The following TXNRD2 variants were observed in gnomAD, a reference collection of about 807,000 sequenced individuals.
TXNRD2 encodes the protein thioredoxin reductase 2, mitochondrial.
In TXNRD2, 67 loss-of-function variants were observed where a neutral mutation model predicts 70.8. The observed-to-expected ratio is 0.95, with a 90% CI of 0.78 to 1.16. TXNRD2 has a LOEUF of 1.16. TXNRD2 is among the 50% of genes most tolerant of loss of function. The pLI is 0.00. For synonymous variants in TXNRD2, 301 were observed against 295.8 expected, an observed-to-expected ratio of 1.02 and a Z score of -0.18; for missense variants, 644 against 719.9, an observed-to-expected ratio of 0.89 and a Z score of 1.21.
chr22:19,899,497 T>G (rs1182361894), intron 8 of TXNRD2, among the ~76,000 whole-genome samples: 1 of 152,256 alleles, frequency 6.6e-6, no homozygotes, highest in Non-Finnish European at 1.5e-5. Context: ...CACAGAAGGC[T>G]GGGCCCTTCC....
intron 8 of TXNRD2, among the ~76,000 whole-genome samples, chr22:19,903,211 G>A (rs1332873015): frequency 2.0e-5 from 3 of 152,208 alleles, no homozygotes; most frequent in Non-Finnish European, 2.9e-5. Flanking sequence ...AAACCCCCAC[G>A]GGGACCTGGG....
chr22:19,881,373 A>G, intron 12 of TXNRD2: 1 of 307,030 alleles, frequency 3.3e-6, no homozygotes, highest in Non-Finnish European at 5.9e-6. Context: ...GCATTCCAGC[A>G]GGCCTGACTA....
rs35544159 is a variant in TXNRD2, at chr22:19,880,705, G to A, written c.1099C>T (p.Leu367=). Residue 367 remains leucine (L), a synonymous_variant, in exon 13 of 18, where the codon CTG becomes TTG. Transcript: ENST00000400521. ...IGDVVEGRPE[L]TPIAIMAGRL... ...CCGGCCATGATCGCTATGGGTGTCA[G>A]CTCAGGCCGCCCCTTGGGGAAGGCA... The A allele has an allele frequency of 5.1e-3, 8,228 of 1,612,016 alleles. 95 individuals are homozygous for A. Among genetic ancestry groups the A allele is most frequent in the African/African-American group, 0.045 (3,351 of 74,334 alleles).
intron 3 of TXNRD2, 52 bp downstream of exon 3, chr22:19,919,491 C>T: frequency 6.5e-7 from 1 of 1,526,852 alleles, no homozygotes. Flanking sequence ...GAACTGGGCC[C>T]ACCTCCCACC....
intron 11 of TXNRD2, among the ~76,000 whole-genome samples, chr22:19,889,161 CA>C (rs1939158283): frequency 6.6e-6 from 1 of 152,114 alleles, no homozygotes; most frequent in Non-Finnish European, 1.5e-5. Context: ...AGCTTCCCCT[CA>C]GGCAGCATAA....
chr22:19,895,410 T>C lies in TXNRD2; in HGVS notation c.946A>G (p.Ile316Val). 6.2e-7 allele frequency: 1 copy of C among 1,613,916 alleles called. No homozygotes were observed. The change falls in exon 11 of 18, where the codon ATA (isoleucine) becomes GTA (valine). Residue 316 changes from isoleucine to valine, a missense_variant. Physicochemically the swap from Ile to Val is conservative, Grantham distance 29. Coordinates refer to ENST00000400521, the MANE Select transcript of TXNRD2 (RefSeq NM_006440.5). ...GTGTGGCTCGACGTGCCCTTACCTA[T>C]GGCCCACAGGACGGTGTCAAAGGTG... Reference protein sequence around the residue: ...TGTFDTVLWAIGRVPDTRSLN... With the variant: ...TGTFDTVLWAVGRVPDTRSLN...
At chr22:19,937,655 T>C (rs1167742058) in intron 1 of TXNRD2, among the ~76,000 whole-genome samples, 1 of 152,216 alleles carries the variant, frequency 6.6e-6, no homozygotes, top group Admixed American at 6.5e-5. Context: ...CTGATTCTTT[T>C]CTTGGAGCCT....
intron 2 of TXNRD2, among the ~76,000 whole-genome samples, chr22:19,925,044 G>C (rs1246179091): frequency 6.6e-6 from 1 of 151,430 alleles, no homozygotes; most frequent in East Asian, 1.9e-4. Context: ...CAGCACTTTG[G>C]GAGGCCAAGG....
At position 19,909,903 on chromosome 22, in the gene TXNRD2, C is replaced by T. The variant is rs1426211608; in HGVS notation, c.662+1474G>A. 3.9e-3 allele frequency among the ~76,000 whole-genome samples: 195 copies of T among 50,330 alleles called. 3 individuals carry two copies. The highest frequency in any genetic ancestry group is 0.016 in the African/African-American group (186 of 11,366). 33.0% of individuals were successfully genotyped at this position (50,330 alleles called of 152,430 possible). ...ACACACCACTCACACACACACACACCACACACCCACACCCTTCACACACAC... is the reference window on the plus strand; with the variant it reads ...ACACACCACTCACACACACACACACTACACACCCACACCCTTCACACACAC... On this transcript the variant is annotated intron_variant, in intron 8 of 17. Coordinates refer to ENST00000400521, the MANE Select transcript of TXNRD2 (RefSeq NM_006440.5).
At chr22:19,920,580 C>T (rs1940860961) in intron 2 of TXNRD2, among the ~76,000 whole-genome samples, 1 of 139,808 alleles carries the variant, frequency 7.2e-6, no homozygotes, top group Non-Finnish European at 1.5e-5. Flanking sequence ...AAGACTCTGT[C>T]TCAAAAAAGA....
At chr22:19,913,917 C>A (rs972374774) in intron 7 of TXNRD2, among the ~76,000 whole-genome samples, 32 of 152,174 alleles carry the variant, frequency 2.1e-4, no homozygotes, top group African/African-American at 7.5e-4. Flanking sequence ...CTAAGCTAAC[C>A]AAGTAAAGAC....
rs779632044 is a variant in TXNRD2, at chr22:19,918,159, C to A, written c.433G>T (p.Val145Phe). 1 of 1,614,180 alleles carries A rather than the reference C, an allele frequency of 6.2e-7. No individual in the cohort carries two copies. The highest frequency in any genetic ancestry group is 8.5e-7 in the Non-Finnish European group (1 of 1,180,038). Residue 145 changes from valine (V) to phenylalanine (F), a missense_variant, in exon 5 of 18, where the codon GTC (valine) becomes TTC (phenylalanine). This residue lies in a region of TXNRD2 where 566 missense variants were observed against 645.0 expected (regional missense o/e 0.88). Transcript: ENST00000400521. Reference sequence around the variant, plus strand: ...CTTCAGTACCTGTCCTGAAGCTGGACACGGTGGCCCCAGTTCAAGGATTTC... The same window carrying A: ...CTTCAGTACCTGTCCTGAAGCTGGAAACGGTGGCCCCAGTTCAAGGATTTC... Reference protein sequence around the residue: ...HVKSLNWGHRVQLQDRKVKYF... With the variant: ...HVKSLNWGHRFQLQDRKVKYF...
In TXNRD2 at chr22:19,927,868, A is replaced by G. The variant is rs35730348; in HGVS notation, c.172+3162T>C. On this transcript the variant is annotated intron_variant, in intron 2 of 17. Transcript: ENST00000400521. ...CTGAACCCAGTCGTCCTCGGGTACCAAGGGACAAATGCATACGTAATGTGA... is the reference window on the plus strand; with the variant it reads ...CTGAACCCAGTCGTCCTCGGGTACCGAGGGACAAATGCATACGTAATGTGA... Among the ~76,000 whole-genome samples the G allele has an allele frequency of 8.9e-3, 1,357 of 152,222 alleles. 18 individuals are homozygous for G. The highest frequency in any genetic ancestry group is 0.031 in the African/African-American group (1,285 of 41,530).
At chr22:19,878,027 T>A in intron 16 of TXNRD2, 63 bp downstream of exon 16, 2 of 1,394,488 alleles carry the variant, frequency 1.4e-6, no homozygotes, top group South Asian at 2.4e-5. Flanking sequence ...ACTGTAGGAC[T>A]GCCGGCACTC....
chr22:19,885,423 C>T (rs1459171037), intron 11 of TXNRD2, among the ~76,000 whole-genome samples: 3 of 152,232 alleles, frequency 2.0e-5, no homozygotes, highest in Non-Finnish European at 2.9e-5. Flanking sequence ...GGGCAGGAGT[C>T]AAAACATACC....
At chr22:19,903,228 C>G (rs1371493345) in intron 8 of TXNRD2, among the ~76,000 whole-genome samples, 1 of 152,228 alleles carries the variant, frequency 6.6e-6, no homozygotes, top group African/African-American at 2.4e-5. Context: ...TGGGCAGGGG[C>G]TACAGAGCTG....
rs777357363 is a variant in TXNRD2 at position 19,895,488 on chromosome 22, C to T, written c.868G>A (p.Gly290Ser). Residue 290 changes from glycine (G) to serine (S), a missense_variant, in exon 11 of 18, where the codon GGC becomes AGC. By Grantham distance (56) the Gly-to-Ser change is moderately conservative. Coordinates refer to ENST00000400521, the MANE Select transcript of TXNRD2 (RefSeq NM_006440.5). The stretch of plus-strand genomic sequence containing the variant: ...TCCTCCCAGGTGACCTGCAGCTGGC[C>T]ATCAGGGAGCCTCCTGACCCGCGAG... ...APSRVRRLPD[G>S]QLQVTWEDST... 5.6e-6 allele frequency: 9 copies of T among 1,613,888 alleles called. No homozygotes were observed. The highest frequency in any genetic ancestry group is 5.0e-5 in the Admixed American group (3 of 60,006).
chr22:19,916,707 A>C (rs1166209268), intron 5 of TXNRD2, among the ~76,000 whole-genome samples: 1 of 150,248 alleles, frequency 6.7e-6, no homozygotes, highest in Non-Finnish European at 1.5e-5. Context: ...TGGCATGATC[A>C]TAGCTCACGG....
chr22:19,930,714 G>A (rs1941325283), intron 2 of TXNRD2, among the ~76,000 whole-genome samples: 1 of 152,218 alleles, frequency 6.6e-6, no homozygotes, highest in Admixed American at 6.5e-5. Context: ...GCACGTGAAG[G>A]AAAGTGGGGA....
Sources: gnomAD v4.1 joint callset for allele counts (sites outside exome capture counted in the v4.1 genomes callset) on GRCh38, gnomAD v4.1.1 for gene constraint, gnomAD v4.1.1 regional missense constraint, MANE v1.5 for transcripts, NCBI Gene and HGNC (gene_info 2026-07-23, HGNC 2026-07-21) for gene names.